The following SHB variants were observed in gnomAD, a reference collection of about 807,000 sequenced individuals.
The protein encoded by SHB is SH2 domain-containing adapter protein B.
In SHB, 20 loss-of-function variants were observed where a neutral mutation model predicts 52.3. The ratio of observed to expected loss-of-function variants is 0.38; its 90% confidence interval spans 0.27 to 0.56. The LOEUF (loss-of-function observed/expected upper bound fraction) is 0.56. SHB is among the 20% of genes least tolerant of loss of function. The probability of loss-of-function intolerance (pLI) is 0.71; values close to 1 mark genes in which losing one functional copy is unlikely to be tolerated. For synonymous variants in SHB, 397 were observed against 316.5 expected (o/e 1.25, Z -2.70); for missense variants, 825 against 723.3 (o/e 1.14, Z -1.61).
intron 4 of SHB, among the ~76,000 whole-genome samples, chr9:37,949,777 G>A (rs909535736): frequency 6.6e-6 from 1 of 152,210 alleles, no homozygotes; most frequent in Admixed American, 6.5e-5. Flanking sequence ...CCTGCCAGAC[G>A]GCTCTAGCAC....
intron 3 of SHB, among the ~76,000 whole-genome samples, chr9:37,972,350 G>A (rs979810367): frequency 4.6e-5 from 7 of 152,182 alleles, no homozygotes; most frequent in African/African-American, 1.7e-4. Flanking sequence ...TGGTTCAAGG[G>A]AACAGAGGAG....
At chr9:37,936,389 C>T (rs537404250) in intron 5 of SHB, among the ~76,000 whole-genome samples, 13 of 152,190 alleles carry the variant, frequency 8.5e-5, no homozygotes. Context: ...CACACACATG[C>T]GTACATGCAT....
At chr9:38,038,157 C>G (rs537503230) in intron 1 of SHB, among the ~76,000 whole-genome samples, 1 of 152,306 alleles carries the variant, frequency 6.6e-6, no homozygotes, top group South Asian at 2.1e-4. Flanking sequence ...TGCATGTGTG[C>G]CCCAGCCCAG....
At chr9:37,989,483 T>C (rs1446043130) in intron 2 of SHB, among the ~76,000 whole-genome samples, 2 of 152,088 alleles carry the variant, frequency 1.3e-5, no homozygotes, top group Non-Finnish European at 2.9e-5. Flanking sequence ...TCAACCAAAA[T>C]TTAACAAAAA....
At chr9:37,933,979 TC>T (rs1832341045) in intron 5 of SHB, among the ~76,000 whole-genome samples, 1 of 152,234 alleles carries the variant, frequency 6.6e-6, no homozygotes, top group African/African-American at 2.4e-5. Context: ...TCCTGTCCTT[TC>T]CCATCCTGGT....
intron 2 of SHB, among the ~76,000 whole-genome samples, chr9:38,007,274 C>T (rs1045800578): frequency 6.6e-6 from 1 of 152,212 alleles, no homozygotes; most frequent in Admixed American, 6.5e-5. Flanking sequence ...TTTCTTTCTT[C>T]TCCATACAGA....
intron 1 of SHB, among the ~76,000 whole-genome samples, chr9:38,018,159 G>A (rs188308487): frequency 1.1e-4 from 17 of 152,312 alleles, no homozygotes; most frequent in Non-Finnish European, 1.9e-4. Flanking sequence ...ATTTGCTGGC[G>A]GGGTGGGAGA....
At chr9:37,997,252 A>C (rs1481945315) in intron 2 of SHB, among the ~76,000 whole-genome samples, 2 of 152,126 alleles carry the variant, frequency 1.3e-5, no homozygotes, top group East Asian at 3.9e-4. Flanking sequence ...TCTTCTCTAC[A>C]TGACACCCAC....
chr9:37,993,944 C>A (rs1380532316), intron 2 of SHB, among the ~76,000 whole-genome samples: 1 of 152,192 alleles, frequency 6.6e-6, no homozygotes, highest in Non-Finnish European at 1.5e-5. Flanking sequence ...AGCTGAGACC[C>A]AGGACGGCAA....
chr9:37,958,719 G>A lies in SHB; in HGVS notation c.1055-2665C>T, dbSNP rs139617468. Among the ~76,000 whole-genome samples the A allele has an allele frequency of 1.4e-4, 22 of 152,294 alleles. 2 individuals are homozygous for A. In the East Asian group the frequency reaches 4.3e-3, roughly 29 times the overall value. ...CTTTTGTGATAGTGGCCTAAAACCT[G>A]GAGCTGGGGCCCTAGCACACACATC... On this transcript the variant is annotated intron_variant, in intron 3 of 5. Coordinates refer to ENST00000377707, the MANE Select transcript of SHB (RefSeq NM_003028.3).
chr9:37,924,846 A>G (rs1172068590), intron 5 of SHB, among the ~76,000 whole-genome samples: 1 of 152,192 alleles, frequency 6.6e-6, no homozygotes, highest in Non-Finnish European at 1.5e-5. Flanking sequence ...GGGACATGGT[A>G]GGGCTAGGAT....
At position 37,919,605 on chromosome 9, in the gene SHB, G is replaced by T; in HGVS notation, c.*216C>A. 2.1e-6 allele frequency: 1 copy of T among 465,742 alleles called. No individual in the cohort carries two copies. The highest frequency in any genetic ancestry group is 3.8e-6 in the Non-Finnish European group (1 of 261,724). The allele number at this position is 465,742 out of a possible 1,614,324, so 28.9% of individuals were successfully genotyped here. On this transcript the variant is annotated 3_prime_UTR_variant, in exon 6 of 6. Coordinates refer to ENST00000377707, the MANE Select transcript of SHB (RefSeq NM_003028.3). ...AACTCAAGGAGAGGGTGGGGGTGGG[G>T]GCTGGGGTGGTGTGTTGCCGCCCTT... is the stretch of plus-strand genomic sequence containing the variant.
intron 1 of SHB, among the ~76,000 whole-genome samples, chr9:38,046,164 T>G (rs1821649971): frequency 6.6e-6 from 1 of 151,510 alleles, no homozygotes; most frequent in Non-Finnish European, 1.5e-5. Flanking sequence ...GAGGCGGAAG[T>G]TGCAGTGAGC....
At chr9:38,015,862 G>C in intron 2 of SHB, 149 bp downstream of exon 2, 2 of 762,178 alleles carry the variant, frequency 2.6e-6, no homozygotes, top group Non-Finnish European at 4.4e-6. Context: ...CTGTGGGGAA[G>C]ACTTAATACA....
intron 2 of SHB, among the ~76,000 whole-genome samples, chr9:37,980,075 T>C (rs1015688524): frequency 1.3e-5 from 2 of 152,148 alleles, no homozygotes; most frequent in African/African-American, 4.8e-5. Flanking sequence ...AAGGCTGAGG[T>C]GGCTGTGGAA....
At chr9:37,936,202 C>T (rs544508462) in intron 5 of SHB, among the ~76,000 whole-genome samples, 194 of 152,142 alleles carry the variant, frequency 1.3e-3, no homozygotes, top group Non-Finnish European at 2.3e-3. Context: ...GGCGACAGAG[C>T]GGGACTCTGT....
chr9:38,032,823 G>A (rs912586236), intron 1 of SHB, among the ~76,000 whole-genome samples: 9 of 152,214 alleles, frequency 5.9e-5, no homozygotes, highest in African/African-American at 2.2e-4. Context: ...CCCATGGAGA[G>A]GCCCCGGACC....
chr9:38,037,905 G>A (rs528256607), intron 1 of SHB, among the ~76,000 whole-genome samples: 1 of 152,184 alleles, frequency 6.6e-6, no homozygotes, highest in East Asian at 1.9e-4. Context: ...TGGGCTAGAA[G>A]AGGAGCTAAA....
At chr9:37,955,736 C>T (rs1312258479) in intron 4 of SHB, 147 bp downstream of exon 4, 16 of 700,244 alleles carry the variant, frequency 2.3e-5, no homozygotes, top group Non-Finnish European at 3.4e-5. Context: ...GATCCACCCA[C>T]CTCGGCCTCC....
Sources: gnomAD v4.1 joint callset for allele counts (sites outside exome capture counted in the v4.1 genomes callset) on GRCh38, gnomAD v4.1.1 for gene constraint, MANE v1.5 for transcripts, NCBI Gene and HGNC (gene_info 2026-07-23, HGNC 2026-07-21) for gene names.